The following RASSF8 variants were observed in gnomAD, a reference collection of about 807,000 sequenced individuals.
The protein encoded by RASSF8 is ras association domain-containing protein 8.
A neutral mutation model predicts 48.5 loss-of-function variants in RASSF8; 22 were observed. That is an observed-to-expected ratio of 0.45 (90% CI 0.32 to 0.65). The LOEUF is 0.65. Among genes scored for constraint, RASSF8 ranks in the 30% least tolerant of loss-of-function variants. The pLI, the probability that RASSF8 is intolerant of heterozygous loss-of-function variation, is 0.03. For missense variants in RASSF8, 418 were observed against 489.2 expected (o/e 0.85, Z 1.37); for synonymous variants, 127 against 171.5 (o/e 0.74, Z 2.03).
At chr12:25,981,180 A>G (rs952124888) in intron 1 of RASSF8, among the ~76,000 whole-genome samples, 1 of 152,116 alleles carries the variant, frequency 6.6e-6, no homozygotes, top group African/African-American at 2.4e-5. Context: ...GGATGGTACC[A>G]GGTTCCTGAG....
chr12:26,074,695 C>A (rs1944056358), downstream of RASSF8, among the ~76,000 whole-genome samples: 1 of 152,014 alleles, frequency 6.6e-6, no homozygotes, highest in Non-Finnish European at 1.5e-5. Flanking sequence ...ATGTTAAGAA[C>A]CACTAGAGGG....
chr12:26,070,321 A>G lies in RASSF8; in HGVS notation c.*1503A>G, dbSNP rs1228956497. On this transcript the variant is annotated 3_prime_UTR_variant, in exon 6 of 6. Transcript: ENST00000689635. The stretch of plus-strand genomic sequence containing the variant: ...GACTTTGGTTTAGTGAATGCTGACA[A>G]TGCTGCTCTACTTAGGTTTCCTATG... 1 of 985,290 alleles carries G rather than the reference A, an allele frequency of 1.0e-6. No homozygotes were observed. The highest frequency in any genetic ancestry group is 1.2e-6 in the Non-Finnish European group (1 of 829,910). 61.0% of individuals were successfully genotyped at this position (985,290 alleles called of 1,614,324 possible). A position where few individuals can be genotyped will look rare whatever the true frequency, so the allele number is the denominator to read the frequency against.
At chr12:26,023,142 AT>A (rs1942826488) in intron 2 of RASSF8, among the ~76,000 whole-genome samples, 1 of 152,324 alleles carries the variant, frequency 6.6e-6, no homozygotes, top group South Asian at 2.1e-4. Flanking sequence ...ATGAAGAAAA[AT>A]GAACACAGCC....
chr12:25,987,931 A>C (rs918933413), intron 1 of RASSF8, among the ~76,000 whole-genome samples: 2 of 151,836 alleles, frequency 1.3e-5, no homozygotes, highest in African/African-American at 4.8e-5. Flanking sequence ...GTCTCACTGC[A>C]ACCTCTGCCT....
At chr12:26,027,443 T>G (rs1942939782) in intron 2 of RASSF8, among the ~76,000 whole-genome samples, 1 of 152,206 alleles carries the variant, frequency 6.6e-6, no homozygotes, top group Non-Finnish European at 1.5e-5. Context: ...CACTGAAGGG[T>G]CAGCAGGCCC....
intron 2 of RASSF8, among the ~76,000 whole-genome samples, chr12:26,016,206 GTTTT>G (rs35863199): frequency 1.4e-5 from 2 of 144,074 alleles, no homozygotes; most frequent in East Asian, 2.0e-4. Flanking sequence ...CTGTTTTTGG[GTTTT>G]TTTTTTTTTT....
chr12:26,015,796 T>G (rs1288709832), intron 2 of RASSF8, among the ~76,000 whole-genome samples: 2 of 151,888 alleles, frequency 1.3e-5, no homozygotes, highest in African/African-American at 4.8e-5. Flanking sequence ...ATTAGCAATG[T>G]TTTTTTTCAG....
chr12:26,072,977 C>T, downstream of RASSF8: 1 of 325,274 alleles, frequency 3.1e-6, no homozygotes, highest in South Asian at 1.2e-4. Context: ...CACATAATTA[C>T]ATTTTTCATA....
At chr12:25,970,488 C>T (rs763192227) in intron 1 of RASSF8, among the ~76,000 whole-genome samples, 1 of 152,114 alleles carries the variant, frequency 6.6e-6, no homozygotes, top group Non-Finnish European at 1.5e-5. Flanking sequence ...CTCCATCTTC[C>T]ATCATTCACT....
intron 2 of RASSF8, among the ~76,000 whole-genome samples, chr12:26,019,115 G>A (rs190546736): frequency 1.3e-5 from 2 of 152,144 alleles, no homozygotes; most frequent in Admixed American, 6.5e-5. Context: ...TGGAGTGATC[G>A]TAGCTGTCCC....
chr12:25,996,022 A>G (rs1022452355), intron 2 of RASSF8, among the ~76,000 whole-genome samples: 10 of 152,210 alleles, frequency 6.6e-5, no homozygotes, highest in African/African-American at 2.2e-4. Context: ...AATAATTGCT[A>G]GATTATATGG....
intron 2 of RASSF8, among the ~76,000 whole-genome samples, chr12:26,033,677 T>G (rs1943073855): frequency 6.6e-6 from 1 of 152,134 alleles, no homozygotes; most frequent in Non-Finnish European, 1.5e-5. Flanking sequence ...GAGCCAAGTA[T>G]TGAAATTTTT....
downstream of RASSF8, among the ~76,000 whole-genome samples, chr12:26,073,833 CACA>C (rs1289867777): frequency 4.2e-4 from 54 of 129,018 alleles, no homozygotes; most frequent in African/African-American, 1.7e-3. Context: ...CACACACACA[CACA>C]CACACACACA....
intron 2 of RASSF8, among the ~76,000 whole-genome samples, chr12:26,045,897 A>G (rs989821243): frequency 1.3e-4 from 20 of 152,220 alleles, no homozygotes; most frequent in African/African-American, 4.6e-4. Flanking sequence ...AACGAACTTA[A>G]TTTGCCATCT....
At position 26,025,828 on chromosome 12, in the gene RASSF8, C is replaced by CA. The variant is rs560877782; in HGVS notation, c.-108-29402dup. Among the ~76,000 whole-genome samples the CA allele has an allele frequency of 2.3e-3, 348 of 151,624 alleles. 11 individuals carry two copies. In the South Asian group the frequency reaches 0.066, roughly 29 times the overall value. Reference sequence around the variant, plus strand: ...ATAAAATGCTTAGGAATAAATTTCACAAAAAATTGCAAAAGTTATACACTG... The same window carrying CA: ...ATAAAATGCTTAGGAATAAATTTCACAAAAAAATTGCAAAAGTTATACACTG... On this transcript the variant is annotated intron_variant, in intron 2 of 5. Transcript: ENST00000689635.
intron 1 of RASSF8, among the ~76,000 whole-genome samples, chr12:25,992,558 G>C (rs983877702): frequency 6.6e-6 from 1 of 152,108 alleles, no homozygotes; most frequent in African/African-American, 2.4e-5. Context: ...TATTTGAGTG[G>C]AGTCTTGGAG....
chr12:26,048,959 T>A (rs1943432844), intron 2 of RASSF8, among the ~76,000 whole-genome samples: 1 of 152,138 alleles, frequency 6.6e-6, no homozygotes, highest in South Asian at 2.1e-4. Flanking sequence ...GGTTTCACCA[T>A]ATTGGCCAGG....
chr12:26,055,437 C>G lies in RASSF8; in HGVS notation c.94C>G (p.Gln32Glu). Residue 32 changes from glutamine (Q) to glutamate (E), a missense_variant, in exon 3 of 6, where the codon CAA (glutamine) becomes GAA (glutamate). Coordinates refer to ENST00000689635, the MANE Select transcript of RASSF8 (RefSeq NM_001394098.1). ...TCQEVVIALAQAIGRTGRYTL... is the reference protein window; with the variant it reads ...TCQEVVIALAEAIGRTGRYTL... ...CCAGGAGGTTGTCATAGCCTTAGCT[C>G]AAGCAATAGGTGAGTGAACTCTGTG... The G allele has an allele frequency of 3.7e-6, 6 of 1,613,104 alleles. No homozygotes were observed. The highest frequency in any genetic ancestry group is 5.1e-6 in the Non-Finnish European group (6 of 1,179,082).
chr12:26,036,617 T>C (rs546692303), intron 2 of RASSF8, among the ~76,000 whole-genome samples: 196 of 152,098 alleles, frequency 1.3e-3, no homozygotes, highest in South Asian at 9.5e-3. Context: ...TTTTAAAAAG[T>C]GTATGTCTGG....
Sources: gnomAD v4.1 joint callset for allele counts (sites outside exome capture counted in the v4.1 genomes callset) on GRCh38, gnomAD v4.1.1 for gene constraint, MANE v1.5 for transcripts, NCBI Gene and HGNC (gene_info 2026-07-23, HGNC 2026-07-21) for gene names.